Variants in FBXL7 observed in about 807,000 individuals in gnomAD.
The protein encoded by FBXL7 is F-box/LRR-repeat protein 7.
In FBXL7, 12 loss-of-function variants were observed where a neutral mutation model predicts 38.3. The ratio of observed to expected loss-of-function variants is 0.31; its 90% CI spans 0.20 to 0.51. The LOEUF (loss-of-function observed/expected upper bound fraction) is 0.51. Among genes scored for constraint, FBXL7 ranks in the 20% least tolerant of loss-of-function variants. The pLI is 0.98. For synonymous variants in FBXL7, 297 were observed against 300.9 expected (o/e 0.99, Z 0.13); for missense variants, 567 against 676.4 (o/e 0.84, Z 1.79).
chr5:15,818,770 A>G (rs1271072016), intron 2 of FBXL7, among the ~76,000 whole-genome samples: 2 of 150,882 alleles, frequency 1.3e-5, no homozygotes, highest in Non-Finnish European at 3.0e-5. Flanking sequence ...TAAAATTCCC[A>G]TGGGATAAAT....
chr5:15,542,352 G>A (rs537793764), intron 1 of FBXL7, among the ~76,000 whole-genome samples: 2 of 152,022 alleles, frequency 1.3e-5, no homozygotes, highest in East Asian at 1.9e-4. Context: ...AATTTTCTTG[G>A]TTATCCCATT....
At chr5:15,869,716 G>T (rs895226423) in intron 2 of FBXL7, among the ~76,000 whole-genome samples, 1 of 152,174 alleles carries the variant, frequency 6.6e-6, no homozygotes, top group Non-Finnish European at 1.5e-5. Context: ...GTCATGAAGT[G>T]TTTAAAACTA....
intron 2 of FBXL7, among the ~76,000 whole-genome samples, chr5:15,720,297 G>A (rs1264758187): frequency 6.7e-6 from 1 of 148,528 alleles, no homozygotes; most frequent in African/African-American, 2.5e-5. Flanking sequence ...ATTATTCAAG[G>A]ATCAGGTGGA....
chr5:15,920,192 G>A (rs1168638051), intron 2 of FBXL7, among the ~76,000 whole-genome samples: 1 of 152,052 alleles, frequency 6.6e-6, no homozygotes, highest in Non-Finnish European at 1.5e-5. Context: ...AGGAGGCGGA[G>A]GTTGCAGTGA....
chr5:15,732,783 T>C (rs1392329274), intron 2 of FBXL7, among the ~76,000 whole-genome samples: 1 of 152,204 alleles, frequency 6.6e-6, no homozygotes. Context: ...AAGTCAGATA[T>C]AGAAAACAAA....
intron 2 of FBXL7, among the ~76,000 whole-genome samples, chr5:15,725,130 T>G (rs1224540642): frequency 6.6e-6 from 1 of 152,194 alleles, no homozygotes; most frequent in Non-Finnish European, 1.5e-5. Context: ...ATTTTTTCCA[T>G]TTTATCTCTG....
intron 1 of FBXL7, among the ~76,000 whole-genome samples, chr5:15,537,178 A>G (rs905307342): frequency 1.3e-5 from 2 of 152,206 alleles, no homozygotes; most frequent in African/African-American, 2.4e-5. Flanking sequence ...AGTCTCATCT[A>G]TTCTTTATAG....
At chr5:15,561,188 A>G (rs753426309) in intron 1 of FBXL7, among the ~76,000 whole-genome samples, 2 of 152,176 alleles carry the variant, frequency 1.3e-5, no homozygotes, top group Non-Finnish European at 2.9e-5. Context: ...TTCATCTGCT[A>G]TAACTGCATC....
At chr5:15,523,516 A>T (rs966255355) in intron 1 of FBXL7, among the ~76,000 whole-genome samples, 1 of 151,518 alleles carries the variant, frequency 6.6e-6, no homozygotes, top group Non-Finnish European at 1.5e-5. Flanking sequence ...CTGTGATTGC[A>T]CCACTGCGCT....
At chr5:15,643,044 T>C (rs1275117321) in intron 2 of FBXL7, among the ~76,000 whole-genome samples, 1 of 152,230 alleles carries the variant, frequency 6.6e-6, no homozygotes, top group Non-Finnish European at 1.5e-5. Flanking sequence ...TTAACAGTTA[T>C]TTGTTTCAGA....
At chr5:15,627,424 C>T (rs575932250) in intron 2 of FBXL7, among the ~76,000 whole-genome samples, 1 of 152,204 alleles carries the variant, frequency 6.6e-6, no homozygotes, top group Admixed American at 6.5e-5. Context: ...GTGTGAAGAG[C>T]TGGGAGAAAT....
intron 2 of FBXL7, among the ~76,000 whole-genome samples, chr5:15,927,416 C>T (rs571673847): frequency 3.9e-5 from 6 of 152,188 alleles, no homozygotes; most frequent in Admixed American, 6.5e-5. Context: ...TGGCAGGAGT[C>T]GGCCCAGGGA....
At chr5:15,648,713 A>C (rs1420538766) in intron 2 of FBXL7, among the ~76,000 whole-genome samples, 1 of 152,146 alleles carries the variant, frequency 6.6e-6, no homozygotes, top group Non-Finnish European at 1.5e-5. Flanking sequence ...TAGCCACAGT[A>C]ATTTTCCATG....
chr5:15,840,247 C>G (rs1301226439), intron 2 of FBXL7, among the ~76,000 whole-genome samples: 1 of 152,128 alleles, frequency 6.6e-6, no homozygotes, highest in African/African-American at 2.4e-5. Flanking sequence ...TTTTTATGTG[C>G]TTTTTATTCT....
intron 2 of FBXL7, among the ~76,000 whole-genome samples, chr5:15,691,560 G>A (rs1285594842): frequency 1.3e-5 from 2 of 152,178 alleles, no homozygotes; most frequent in Non-Finnish European, 2.9e-5. Context: ...AGAGGATCTA[G>A]GTGCTGCTCA....
At chr5:15,744,734 A>T (rs1169938178) in intron 2 of FBXL7, among the ~76,000 whole-genome samples, 2 of 152,198 alleles carry the variant, frequency 1.3e-5, no homozygotes, top group Non-Finnish European at 2.9e-5. Context: ...ATAAAGACAT[A>T]CCCAAGACTG....
At chr5:15,557,112 G>A (rs1420175506) in intron 1 of FBXL7, among the ~76,000 whole-genome samples, 18 of 152,112 alleles carry the variant, frequency 1.2e-4, no homozygotes, top group Admixed American at 1.2e-3. Context: ...TAATTTTTTT[G>A]TATTTTTAGT....
chr5:15,665,894 A>G (rs1742258927), intron 2 of FBXL7, among the ~76,000 whole-genome samples: 1 of 152,190 alleles, frequency 6.6e-6, no homozygotes, highest in African/African-American at 2.4e-5. Context: ...ATTTTAAATG[A>G]TAGTTTTAGA....
At chr5:15,557,476 C>A (rs565090004) in intron 1 of FBXL7, among the ~76,000 whole-genome samples, 1 of 152,200 alleles carries the variant, frequency 6.6e-6, no homozygotes, top group Non-Finnish European at 1.5e-5. Context: ...AATGTGATAT[C>A]CTATGGCATA....
Sources: allele counts gnomAD v4.1 joint callset (sites outside exome capture counted in the v4.1 genomes callset), GRCh38; gene constraint gnomAD v4.1.1; transcripts MANE v1.5; gene names NCBI Gene and HGNC (gene_info 2026-07-23, HGNC 2026-07-21).